Variants in LIMCH1 observed in about 807,000 individuals in gnomAD.
The protein encoded by LIMCH1 is LIM and calponin homology domains-containing protein 1.
Under a neutral mutation model 176.5 loss-of-function variants are expected in LIMCH1, and 113 were observed. The ratio of observed to expected loss-of-function variants is 0.64; its 90% CI spans 0.55 to 0.75. The LOEUF is 0.75. Among genes scored for constraint, LIMCH1 ranks in the 30% least tolerant of loss-of-function variants. LIMCH1 has a pLI of 0.00. For missense variants in LIMCH1, 1,674 were observed against 1,814.9 expected (o/e 0.92, Z 1.41); for synonymous variants, 619 against 645.9 (o/e 0.96, Z 0.63).
At chr4:41,647,059 T>C (rs2094095361) in intron 17 of LIMCH1, among the ~76,000 whole-genome samples, 166 bp downstream of exon 17, 1 of 152,232 alleles carries the variant, frequency 6.6e-6, no homozygotes. Context: ...GGTTTGTAAA[T>C]GCTTCAGGGA....
intron 29 of LIMCH1, 49 bp downstream of exon 29, chr4:41,687,966 G>C: frequency 7.0e-7 from 1 of 1,433,608 alleles, no homozygotes; most frequent in Non-Finnish European, 9.8e-7. Context: ...TATGACTAGA[G>C]CTTGCCAAGC....
chr4:41,456,643 G>C (rs1353906434), intron 1 of LIMCH1, among the ~76,000 whole-genome samples: 1 of 152,094 alleles, frequency 6.6e-6, no homozygotes, highest in Non-Finnish European at 1.5e-5. Flanking sequence ...CAAAATAATT[G>C]TGCTTTTTAG....
chr4:41,658,223 T>G (rs1334017801), intron 18 of LIMCH1, among the ~76,000 whole-genome samples: 1 of 152,154 alleles, frequency 6.6e-6, no homozygotes, highest in African/African-American at 2.4e-5. Flanking sequence ...CTCTGAGAAT[T>G]ATGTGAGACG....
upstream of LIMCH1, among the ~76,000 whole-genome samples, chr4:41,534,588 C>G (rs573145011): frequency 5.3e-5 from 8 of 152,244 alleles, no homozygotes; most frequent in East Asian, 1.3e-3. Flanking sequence ...GTCTGGCAGA[C>G]TATTAGAAAT....
At chr4:41,524,490 G>T in intron 3 of LIMCH1, 2 of 1,593,726 alleles carry the variant, frequency 1.3e-6, no homozygotes, top group Non-Finnish European at 1.7e-6. Context: ...TGAGTACGTG[G>T]AATTGAGATT....
At chr4:41,532,737 A>G (rs2077462552) in intron 3 of LIMCH1, among the ~76,000 whole-genome samples, 1 of 149,660 alleles carries the variant, frequency 6.7e-6, no homozygotes, top group Admixed American at 6.7e-5. Context: ...GGGAAGACTT[A>G]ATAAGAATTT....
chr4:41,661,362 AT>A, intron 18 of LIMCH1, 57 bp from the exon 19 acceptor site: 3 of 1,274,834 alleles, frequency 2.4e-6, no homozygotes, highest in Non-Finnish European at 3.4e-6. Context: ...TTAAAAAATA[AT>A]TTTTAGAACT....
chr4:41,679,108 C>G (rs1210368892), intron 23 of LIMCH1, among the ~76,000 whole-genome samples: 2 of 152,140 alleles, frequency 1.3e-5, no homozygotes, highest in Non-Finnish European at 2.9e-5. Context: ...GTGGCTTCCC[C>G]ATGAAGACAG....
chr4:41,668,512 C>T (rs546624523), intron 21 of LIMCH1, among the ~76,000 whole-genome samples: 16 of 152,296 alleles, frequency 1.1e-4, no homozygotes, highest in African/African-American at 3.8e-4. Flanking sequence ...TATAAATTTA[C>T]ACATTTCATT....
chr4:41,556,945 T>G (rs1373194242), intron 1 of LIMCH1, among the ~76,000 whole-genome samples: 1 of 152,170 alleles, frequency 6.6e-6, no homozygotes, highest in Non-Finnish European at 1.5e-5. Flanking sequence ...GCATACAGCA[T>G]CCAGCTAGGT....
intron 19 of LIMCH1, among the ~76,000 whole-genome samples, 172 bp from the exon 20 acceptor site, chr4:41,662,649 G>C (rs2094665816): frequency 6.6e-6 from 1 of 152,132 alleles, no homozygotes; most frequent in Non-Finnish European, 1.5e-5. Flanking sequence ...AAGAGCTTTG[G>C]GAATTCCAGC....
upstream of LIMCH1, among the ~76,000 whole-genome samples, chr4:41,537,980 C>T (rs1020409879): frequency 5.3e-5 from 8 of 152,202 alleles, no homozygotes; most frequent in Non-Finnish European, 1.0e-4. Context: ...GATTTCCTGA[C>T]AGTACTGCAA....
At chr4:41,660,462 G>A (rs1044544623) in intron 18 of LIMCH1, among the ~76,000 whole-genome samples, 2 of 152,178 alleles carry the variant, frequency 1.3e-5, no homozygotes, top group African/African-American at 4.8e-5. Context: ...AGACTTCTTA[G>A]TGGAGAACAA....
At chr4:41,473,113 C>T (rs1446955400) in intron 1 of LIMCH1, 1 of 984,962 alleles carries the variant, frequency 1.0e-6, no homozygotes, top group Admixed American at 6.2e-5. Context: ...CCTCCCAGTG[C>T]CATAAAATGA....
intron 3 of LIMCH1, among the ~76,000 whole-genome samples, chr4:41,533,116 T>G (rs1001296062): frequency 6.6e-6 from 1 of 152,128 alleles, no homozygotes; most frequent in Non-Finnish European, 1.5e-5. Context: ...ATAGAACAGC[T>G]TACAGGGTTG....
chr4:41,599,054 G>T, intron 2 of LIMCH1, 28 bp downstream of exon 2: 1 of 1,370,286 alleles, frequency 7.3e-7, no homozygotes, highest in Non-Finnish European at 1.0e-6. Flanking sequence ...TATGTTTAAG[G>T]GAAACTCCTT....
chr4:41,402,743 G>A (rs1413366994), intron 1 of LIMCH1, among the ~76,000 whole-genome samples: 5 of 145,292 alleles, frequency 3.4e-5, no homozygotes, highest in African/African-American at 7.7e-5. Context: ...ACCAAACACC[G>A]CATGTTCTCA....
intron 1 of LIMCH1, among the ~76,000 whole-genome samples, chr4:41,467,097 C>A (rs1274354615): frequency 6.6e-6 from 1 of 151,396 alleles, no homozygotes; most frequent in Non-Finnish European, 1.5e-5. Flanking sequence ...TAGTGTGGAT[C>A]AGAATTGCCT....
chr4:41,551,820 A>G (rs1015533686), intron 1 of LIMCH1, among the ~76,000 whole-genome samples: 3 of 152,174 alleles, frequency 2.0e-5, no homozygotes, highest in African/African-American at 7.2e-5. Flanking sequence ...TACAACAGAA[A>G]ACATATGGAC....
Sources: gnomAD v4.1 joint callset for allele counts (sites outside exome capture counted in the v4.1 genomes callset) on GRCh38, gnomAD v4.1.1 for gene constraint, MANE v1.5 for transcripts, NCBI Gene and HGNC (gene_info 2026-07-23, HGNC 2026-07-21) for gene names.